SORT1: variants seen among roughly 807,000 people sequenced by gnomAD.
SORT1 encodes sortilin 1.
In SORT1, 39 loss-of-function variants were observed where a neutral mutation model predicts 101.7. The observed-to-expected ratio is 0.38, with a 90% CI of 0.30 to 0.50. SORT1 has a LOEUF of 0.50. Ranked by LOEUF, SORT1 falls within the 20% of genes least tolerant of loss-of-function variation. The pLI is 0.90. For missense variants in SORT1, 878 were observed against 1,040.4 expected, an observed-to-expected ratio of 0.84 and a Z score of 2.15; for synonymous variants, 396 against 393.7, an observed-to-expected ratio of 1.01 and a Z score of -0.07.
intron 2 of SORT1, chr1:109,368,350 G>C (rs945496080): frequency 1.3e-5 from 2 of 151,066 alleles, no homozygotes; most frequent in African/African-American, 4.9e-5. Context: ...AGATAAATGG[G>C]TAAATCATGG....
intron 10 of SORT1, among the ~76,000 whole-genome samples, chr1:109,337,103 T>C (rs1161093112): frequency 6.6e-6 from 1 of 152,208 alleles, no homozygotes; most frequent in East Asian, 1.9e-4. Context: ...CTCTGAATTA[T>C]TGTCTCTCCA....
At chr1:109,342,425 T>C (rs1035945742) in intron 8 of SORT1, among the ~76,000 whole-genome samples, 1 of 152,194 alleles carries the variant, frequency 6.6e-6, no homozygotes, top group Non-Finnish European at 1.5e-5. Flanking sequence ...TGTAAGATAG[T>C]ATAGTCTTGG....
At chr1:109,317,201 G>C (rs1284578988) in intron 16 of SORT1, among the ~76,000 whole-genome samples, 1 of 152,146 alleles carries the variant, frequency 6.6e-6, no homozygotes, top group Non-Finnish European at 1.5e-5. Flanking sequence ...CTACCTAAGA[G>C]ACTGTGCCAA....
At chr1:109,397,520 C>G in intron 1 of SORT1, 67 bp downstream of exon 1, 1 of 1,015,848 alleles carries the variant, frequency 9.8e-7, no homozygotes, top group Middle Eastern at 4.5e-4. Context: ...GCGGGGCGCA[C>G]GGGCCGGGAG....
chr1:109,396,582 A>G (rs1309740972), intron 1 of SORT1, among the ~76,000 whole-genome samples: 1 of 152,206 alleles, frequency 6.6e-6, no homozygotes. Context: ...TATGGTCCAG[A>G]TAACCAGGCA....
At chr1:109,344,484 C>T (rs1053582300) in intron 8 of SORT1, among the ~76,000 whole-genome samples, 8 of 152,106 alleles carry the variant, frequency 5.3e-5, no homozygotes, top group Admixed American at 1.3e-4. Flanking sequence ...TTGGATTGAT[C>T]GGGCATGCTC....
At chr1:109,359,850 G>C (rs1650591341) in intron 3 of SORT1, among the ~76,000 whole-genome samples, 1 of 152,096 alleles carries the variant, frequency 6.6e-6, no homozygotes, top group South Asian at 2.1e-4. Context: ...AATTGAAAGT[G>C]TCATCTAAAT....
At chr1:109,380,813 C>CA (rs60568166) in intron 1 of SORT1, among the ~76,000 whole-genome samples, 11,973 of 49,254 alleles carry the variant, frequency 0.24, 3,424 homozygotes, top group South Asian at 0.32. Context: ...CCTGTCGCCA[C>CA]AAAAAAAAAA....
intron 2 of SORT1, chr1:109,368,521 G>C (rs1651254193): frequency 6.6e-6 from 1 of 152,132 alleles, no homozygotes; most frequent in Admixed American, 6.5e-5. Context: ...GTGCCTCAAT[G>C]CTATGACACA....
intron 1 of SORT1, among the ~76,000 whole-genome samples, chr1:109,395,658 G>A (rs1653145104): frequency 6.6e-6 from 1 of 152,142 alleles, no homozygotes; most frequent in African/African-American, 2.4e-5. Context: ...AGTGGTTTTA[G>A]GTCTACTCTT....
chr1:109,354,521 G>A lies in SORT1; in HGVS notation c.554C>T (p.Thr185Ile), dbSNP rs1650177714. 1.2e-6 allele frequency: 2 copies of A among 1,612,210 alleles called. No homozygotes were observed. The highest frequency in any genetic ancestry group is 1.7e-5 in the Admixed American group (1 of 59,950). ...ACGACTTCCTCCAGACACCTCTGCTGTTAACACCACCTGATAGGAAGAGGA... is the reference window on the plus strand; with the variant it reads ...ACGACTTCCTCCAGACACCTCTGCTATTAACACCACCTGATAGGAAGAGGA... ...GPENSGKVVL[T>I]AEVSGGSRGG... Residue 185 changes from threonine to isoleucine, a missense_variant, in exon 5 of 20, where the codon ACA (threonine) becomes ATA (isoleucine). Around this residue, in one of 2 missense-constraint regions of SORT1, gnomAD observed 684 missense variants for 894.5 expected, o/e 0.76. Coordinates refer to ENST00000256637, the MANE Select transcript of SORT1 (RefSeq NM_002959.7).
At chr1:109,348,456 T>C (rs947911790) in intron 6 of SORT1, among the ~76,000 whole-genome samples, 1 of 152,140 alleles carries the variant, frequency 6.6e-6, no homozygotes, top group Non-Finnish European at 1.5e-5. Context: ...CAAAATCCTA[T>C]TTTAAAATAA....
At chr1:109,383,636 T>C (rs1413986384) in intron 1 of SORT1, among the ~76,000 whole-genome samples, 1 of 152,140 alleles carries the variant, frequency 6.6e-6, no homozygotes, top group Non-Finnish European at 1.5e-5. Context: ...CATCTAGGAT[T>C]AGGCTTCCAA....
intron 3 of SORT1, among the ~76,000 whole-genome samples, chr1:109,359,239 G>A (rs536295744): frequency 1.3e-5 from 2 of 152,160 alleles, no homozygotes; most frequent in South Asian, 4.2e-4. Context: ...GGGAGCTCTC[G>A]GGGTCTCTCT....
At chr1:109,323,608 T>C (rs3768497) in intron 14 of SORT1, among the ~76,000 whole-genome samples, 106,236 of 152,134 alleles carry the variant, frequency 0.7, 37,650 homozygotes, top group East Asian at 0.96. Context: ...AAAACATCCT[T>C]TTCCTAGACT....
chr1:109,357,728 A>G (rs981924405), intron 3 of SORT1, among the ~76,000 whole-genome samples: 6 of 152,182 alleles, frequency 3.9e-5, no homozygotes, highest in East Asian at 1.9e-4. Context: ...AACAAACTAC[A>G]TATGTCTAAG....
At position 109,348,394 on chromosome 1, in the gene SORT1, CA is replaced by C. The variant is rs112012882; in HGVS notation, c.783-863del. On this transcript the variant is annotated intron_variant, in intron 6 of 19. Transcript: ENST00000256637. ...TGGTTATTCATATTTAGACACTAAACAAAAAAAAAAAAACATGTTACAAAAG... is the reference window on the plus strand; with the variant it reads ...TGGTTATTCATATTTAGACACTAAACAAAAAAAAAAAACATGTTACAAAAG... Among the ~76,000 whole-genome samples the C allele has an allele frequency of 5.9e-3, 624 of 106,022 alleles. 1 individual carries two copies. Among genetic ancestry groups the C allele is most frequent in the African/African-American group, 0.017 (470 of 28,358 alleles). 69.6% of individuals were successfully genotyped at this position (106,022 alleles called of 152,430 possible).
At chr1:109,390,388 C>T (rs1042582182) in intron 1 of SORT1, among the ~76,000 whole-genome samples, 3 of 152,110 alleles carry the variant, frequency 2.0e-5, no homozygotes, top group African/African-American at 4.8e-5. Flanking sequence ...TAACAAAACA[C>T]GTTGATAAAA....
At chr1:109,377,392 T>C (rs529418526) in intron 1 of SORT1, among the ~76,000 whole-genome samples, 65 of 152,322 alleles carry the variant, frequency 4.3e-4, no homozygotes, top group South Asian at 4.1e-3. Flanking sequence ...TAACTCATGA[T>C]AGCTGTTTGT....
Sources: gnomAD v4.1 joint callset for allele counts (sites outside exome capture counted in the v4.1 genomes callset) on GRCh38, gnomAD v4.1.1 for gene constraint, gnomAD v4.1.1 regional missense constraint, MANE v1.5 for transcripts, NCBI Gene and HGNC (gene_info 2026-07-23, HGNC 2026-07-21) for gene names.